SUGCT: variants seen among roughly 807,000 people sequenced by gnomAD.
The protein encoded by SUGCT is succinyl-CoA:glutarate CoA-transferase.
A neutral mutation model predicts 55.0 loss-of-function variants in SUGCT; 41 were observed. The observed-to-expected ratio is 0.74, with a 90% CI of 0.58 to 0.97. The LOEUF (loss-of-function observed/expected upper bound fraction) is 0.97, where lower values mean the gene tolerates loss of function less well. Among genes scored for constraint, SUGCT ranks in the 50% least tolerant of loss-of-function variants. SUGCT has a pLI of 0.00. For synonymous variants in SUGCT, 187 were observed against 200.4 expected, an observed-to-expected ratio of 0.93 and a Z score of 0.56; for missense variants, 568 against 547.8, an observed-to-expected ratio of 1.04 and a Z score of -0.37.
chr7:40,695,796 T>C (rs1268728170), intron 12 of SUGCT, among the ~76,000 whole-genome samples: 1 of 152,158 alleles, frequency 6.6e-6, no homozygotes, highest in East Asian at 1.9e-4. Flanking sequence ...CCCTGTCCTC[T>C]ACTCACTAGA....
chr7:40,731,235 G>A (rs941553891), intron 12 of SUGCT, among the ~76,000 whole-genome samples: 3 of 152,152 alleles, frequency 2.0e-5, no homozygotes, highest in African/African-American at 7.2e-5. Flanking sequence ...ATCTTAACGA[G>A]GCTACATGGT....
the SUGCT span, among the ~76,000 whole-genome samples, chr7:40,973,462 C>CT: frequency 3.9e-5 from 6 of 152,200 alleles, no homozygotes; most frequent in South Asian, 1.0e-3. Context: ...TTCAGTGTCT[C>CT]TCTTTTCCAG....
chr7:40,533,282 T>G (rs967048365), intron 12 of SUGCT, among the ~76,000 whole-genome samples: 3 of 152,148 alleles, frequency 2.0e-5, no homozygotes, highest in African/African-American at 4.8e-5. Flanking sequence ...TCTATTTTGT[T>G]AAAGGGTAGT....
chr7:40,925,772 C>T, the SUGCT span, among the ~76,000 whole-genome samples: 3 of 152,134 alleles, frequency 2.0e-5, no homozygotes, highest in Non-Finnish European at 4.4e-5. Flanking sequence ...GAATCATACT[C>T]AAGCCAAAAG....
At chr7:40,936,272 C>A in the SUGCT span, among the ~76,000 whole-genome samples, 63 of 150,934 alleles carry the variant, frequency 4.2e-4, no homozygotes, top group Middle Eastern at 0.01. Flanking sequence ...ATCTCCTTAT[C>A]TTTTATAGGT....
chr7:40,581,124 G>A (rs781643379), intron 12 of SUGCT, among the ~76,000 whole-genome samples: 1 of 152,146 alleles, frequency 6.6e-6, no homozygotes, highest in East Asian at 1.9e-4. Flanking sequence ...TCATTAATTC[G>A]ATACATATTT....
chr7:40,504,502 T>G (rs1452314885), intron 12 of SUGCT, among the ~76,000 whole-genome samples: 1 of 152,130 alleles, frequency 6.6e-6, no homozygotes, highest in Non-Finnish European at 1.5e-5. Flanking sequence ...TGACACAATC[T>G]TGGCTCACTG....
the SUGCT span, among the ~76,000 whole-genome samples, chr7:40,898,656 G>T: frequency 6.6e-6 from 1 of 151,904 alleles, no homozygotes; most frequent in Non-Finnish European, 1.5e-5. Context: ...CCGTGGAGGC[G>T]GACCTTGCAG....
intron 9 of SUGCT, among the ~76,000 whole-genome samples, chr7:40,366,946 C>A (rs1173899995): frequency 6.6e-6 from 1 of 152,166 alleles, no homozygotes; most frequent in African/African-American, 2.4e-5. Flanking sequence ...AATCATGCTG[C>A]TATGAAGACA....
At chr7:40,159,987 T>G (rs1347443507) in intron 1 of SUGCT, among the ~76,000 whole-genome samples, 1 of 152,212 alleles carries the variant, frequency 6.6e-6, no homozygotes, top group Non-Finnish European at 1.5e-5. Context: ...AGAAGCATGC[T>G]TGATATGGCC....
At chr7:40,657,574 G>A (rs984755414) in intron 12 of SUGCT, among the ~76,000 whole-genome samples, 12 of 151,672 alleles carry the variant, frequency 7.9e-5, no homozygotes, top group Admixed American at 1.3e-4. Context: ...AATCTCTGTC[G>A]CCCGGGCTGG....
intron 9 of SUGCT, among the ~76,000 whole-genome samples, chr7:40,366,562 T>C (rs1170277120): frequency 2.6e-5 from 4 of 151,754 alleles, no homozygotes; most frequent in African/African-American, 7.3e-5. Context: ...TCAAACAAAT[T>C]TACAAGAAAA....
chr7:40,461,540 C>G (rs1325745279), intron 11 of SUGCT, among the ~76,000 whole-genome samples: 1 of 152,098 alleles, frequency 6.6e-6, no homozygotes, highest in African/African-American at 2.4e-5. Context: ...GCCTCTGTTC[C>G]CAGTAAGATG....
chr7:40,690,362 T>C (rs867682301), intron 12 of SUGCT, among the ~76,000 whole-genome samples: 9 of 152,212 alleles, frequency 5.9e-5, no homozygotes, highest in Admixed American at 4.6e-4. Flanking sequence ...TAGCTACCTT[T>C]AGATGTACTC....
intron 12 of SUGCT, among the ~76,000 whole-genome samples, chr7:40,584,082 C>T (rs192171245): frequency 2.0e-5 from 3 of 152,226 alleles, no homozygotes; most frequent in East Asian, 1.9e-4. Flanking sequence ...AGTGTGGCGT[C>T]GAATGTAATT....
chr7:40,171,889 T>C (rs1784688187), intron 1 of SUGCT, among the ~76,000 whole-genome samples: 1 of 152,236 alleles, frequency 6.6e-6, no homozygotes, highest in African/African-American at 2.4e-5. Flanking sequence ...AATTATCAAT[T>C]GTAGGTTTTA....
At chr7:40,781,931 G>A (rs183723529) in intron 13 of SUGCT, among the ~76,000 whole-genome samples, 3 of 151,900 alleles carry the variant, frequency 2.0e-5, no homozygotes, top group Non-Finnish European at 2.9e-5. Context: ...AGTATGAGAC[G>A]TAAGCCTCCC....
intron 12 of SUGCT, among the ~76,000 whole-genome samples, chr7:40,645,395 C>T (rs1049453039): frequency 2.0e-5 from 3 of 152,102 alleles, no homozygotes; most frequent in Admixed American, 1.3e-4. Flanking sequence ...GTACAAAGGG[C>T]CGGGGACTAA....
the SUGCT span, among the ~76,000 whole-genome samples, chr7:40,949,050 A>G: frequency 6.6e-6 from 1 of 152,166 alleles, no homozygotes. Flanking sequence ...ACTATGGTTG[A>G]AGTAGTTTAC....
Sources: gnomAD v4.1 joint callset for allele counts (sites outside exome capture counted in the v4.1 genomes callset) on GRCh38, gnomAD v4.1.1 for gene constraint, MANE v1.5 for transcripts, NCBI Gene and HGNC (gene_info 2026-07-23, HGNC 2026-07-21) for gene names.